The following KIAA0825 variants were observed in gnomAD, a reference collection of about 807,000 sequenced individuals.
KIAA0825 encodes uncharacterized protein KIAA0825.
A neutral mutation model predicts 147.6 loss-of-function variants in KIAA0825; 119 were observed. That is an observed-to-expected ratio of 0.81 (90% CI 0.69 to 0.94). KIAA0825 has a LOEUF of 0.94. Ranked by LOEUF, KIAA0825 falls within the 40% of genes least tolerant of loss-of-function variation. The pLI is 0.00. For synonymous variants in KIAA0825, 470 were observed against 518.1 expected, an observed-to-expected ratio of 0.91 and a Z score of 1.26; for missense variants, 1,381 against 1,472.7, an observed-to-expected ratio of 0.94 and a Z score of 1.02.
At chr5:94,551,549 A>T (rs1232633683) in intron 2 of KIAA0825, among the ~76,000 whole-genome samples, 4 of 152,114 alleles carry the variant, frequency 2.6e-5, no homozygotes, top group Non-Finnish European at 5.9e-5. Context: ...GCCTGGAGAG[A>T]ATGGGATAAT....
At chr5:94,480,113 G>C (rs1762332603) in intron 6 of KIAA0825, among the ~76,000 whole-genome samples, 1 of 151,966 alleles carries the variant, frequency 6.6e-6, no homozygotes, top group Admixed American at 6.6e-5. Context: ...ATATAGTCGT[G>C]TACATATAAG....
intron 2 of KIAA0825, among the ~76,000 whole-genome samples, chr5:94,573,419 T>C (rs1780356778): frequency 6.6e-6 from 1 of 152,034 alleles, no homozygotes. Flanking sequence ...TACAGGCATG[T>C]GCCACCATGC....
chr5:94,328,273 T>A (rs1780907691), intron 20 of KIAA0825, among the ~76,000 whole-genome samples: 1 of 152,208 alleles, frequency 6.6e-6, no homozygotes, highest in South Asian at 2.1e-4. Flanking sequence ...AAATGGTTAC[T>A]AATTTATGTG....
intron 16 of KIAA0825, among the ~76,000 whole-genome samples, chr5:94,402,226 A>G (rs79184231): frequency 0.024 from 3,671 of 152,252 alleles, 128 homozygotes; most frequent in African/African-American, 0.083. Context: ...GCTCTTTGCA[A>G]TGGTATGGAG....
At chr5:94,552,879 A>C (rs1308534931) in intron 2 of KIAA0825, among the ~76,000 whole-genome samples, 1 of 152,196 alleles carries the variant, frequency 6.6e-6, no homozygotes, top group Non-Finnish European at 1.5e-5. Flanking sequence ...GTAAGGGGTA[A>C]AGAAAGGAAG....
intron 5 of KIAA0825, among the ~76,000 whole-genome samples, chr5:94,511,999 AT>A (rs1189662196): frequency 2.0e-5 from 3 of 151,976 alleles, no homozygotes; most frequent in South Asian, 2.1e-4. Context: ...CAAAAAAAAA[AT>A]AATAATAATA....
intron 2 of KIAA0825, among the ~76,000 whole-genome samples, chr5:94,541,910 T>C (rs1773396771): frequency 6.6e-6 from 1 of 152,248 alleles, no homozygotes; most frequent in South Asian, 2.1e-4. Flanking sequence ...TGGTATACGT[T>C]CCAAAATTAT....
intron 20 of KIAA0825, among the ~76,000 whole-genome samples, chr5:94,226,051 GAAACTATCATCAGAGTGAACAGGC>G (rs1774131620): frequency 6.6e-6 from 1 of 152,146 alleles, no homozygotes; most frequent in Admixed American, 6.5e-5. Flanking sequence ...CACAGCAAAA[GAAACTATCATCAGAGTGAACAGGC>G]AACCTACAGA....
At chr5:94,390,233 C>A (rs1230050070) in intron 18 of KIAA0825, among the ~76,000 whole-genome samples, 1 of 152,156 alleles carries the variant, frequency 6.6e-6, no homozygotes, top group African/African-American at 2.4e-5. Flanking sequence ...ATCAGTTTGG[C>A]AATTCAGACC....
chr5:94,561,346 C>T (rs1777520118), intron 2 of KIAA0825, among the ~76,000 whole-genome samples: 1 of 152,204 alleles, frequency 6.6e-6, no homozygotes. Flanking sequence ...TGTATCCTTT[C>T]TAATAAAACT....
At chr5:94,603,610 A>G (rs1014240843) in intron 1 of KIAA0825, among the ~76,000 whole-genome samples, 1 of 152,214 alleles carries the variant, frequency 6.6e-6, no homozygotes, top group Non-Finnish European at 1.5e-5. Flanking sequence ...AAATGCCCCA[A>G]TTAAAAGACA....
At chr5:94,321,112 T>A (rs1264793015) in intron 20 of KIAA0825, among the ~76,000 whole-genome samples, 1 of 152,020 alleles carries the variant, frequency 6.6e-6, no homozygotes, top group Non-Finnish European at 1.5e-5. Context: ...ACGCTGTATC[T>A]GGAGTTATGA....
chr5:94,301,194 A>T (rs1778382829), intron 20 of KIAA0825, among the ~76,000 whole-genome samples: 1 of 152,176 alleles, frequency 6.6e-6, no homozygotes, highest in African/African-American at 2.4e-5. Context: ...ATTTATGGGT[A>T]GAAAGAAAAC....
chr5:94,401,409 A>G (rs567596947), intron 16 of KIAA0825, among the ~76,000 whole-genome samples: 3 of 152,272 alleles, frequency 2.0e-5, no homozygotes, highest in East Asian at 1.9e-4. Context: ...TTATTGGTTT[A>G]TAGGAATATG....
chr5:94,385,637 A>ATGCGG (rs1434558904), intron 19 of KIAA0825, among the ~76,000 whole-genome samples: 3 of 152,236 alleles, frequency 2.0e-5, no homozygotes, highest in Non-Finnish European at 4.4e-5. Context: ...CAGTGTAACT[A>ATGCGG]CTGAAACATG....
intron 20 of KIAA0825, among the ~76,000 whole-genome samples, chr5:94,377,382 G>A (rs1274691543): frequency 6.6e-6 from 1 of 152,090 alleles, no homozygotes; most frequent in African/African-American, 2.4e-5. Context: ...GAATAAATAA[G>A]GTAAAGAGAA....
chr5:94,561,706 T>C (rs991326054), intron 2 of KIAA0825, among the ~76,000 whole-genome samples: 6 of 152,272 alleles, frequency 3.9e-5, no homozygotes, highest in African/African-American at 1.4e-4. Context: ...TCTTGTTTTA[T>C]ATACATATAG....
intron 1 of KIAA0825, among the ~76,000 whole-genome samples, chr5:94,608,828 A>G (rs2152434238): frequency 6.6e-6 from 1 of 152,042 alleles, no homozygotes; most frequent in Non-Finnish European, 1.5e-5. Context: ...CCAATACTAC[A>G]AGAGTCTCCT....
intron 13 of KIAA0825, among the ~76,000 whole-genome samples, chr5:94,451,397 C>G (rs1758385100): frequency 6.6e-6 from 1 of 152,002 alleles, no homozygotes; most frequent in Non-Finnish European, 1.5e-5. Context: ...TAGTTGATTC[C>G]TAGAAACAGA....
Sources: allele counts gnomAD v4.1 joint callset (sites outside exome capture counted in the v4.1 genomes callset), GRCh38; gene constraint gnomAD v4.1.1; transcripts MANE v1.5; gene names NCBI Gene and HGNC (gene_info 2026-07-23, HGNC 2026-07-21).